The following AFG2A variants were observed in gnomAD, a reference collection of about 807,000 sequenced individuals.
The protein encoded by AFG2A is AAA ATPase AFG2A.
At chr4:122,961,416 T>C in the AFG2A span, among the ~76,000 whole-genome samples, 4 of 152,246 alleles carry the variant, frequency 2.6e-5, no homozygotes, top group African/African-American at 9.6e-5. Flanking sequence ...AGTAGTGATT[T>C]TCACTGAATC....
chr4:123,209,536 G>A, the AFG2A span, among the ~76,000 whole-genome samples: 12 of 150,992 alleles, frequency 7.9e-5, no homozygotes, highest in East Asian at 2.0e-4. Flanking sequence ...TATGAACTGC[G>A]TAGCCCTGGA....
the AFG2A span, among the ~76,000 whole-genome samples, chr4:123,055,167 A>C: frequency 6.6e-6 from 1 of 152,160 alleles, no homozygotes; most frequent in Non-Finnish European, 1.5e-5. Flanking sequence ...CATTGTATGT[A>C]ATTTAAAAGT....
At chr4:123,079,249 T>A in the AFG2A span, among the ~76,000 whole-genome samples, 2 of 152,228 alleles carry the variant, frequency 1.3e-5, no homozygotes, top group Non-Finnish European at 2.9e-5. Flanking sequence ...GCCACAATGA[T>A]CTTTGCCTAA....
the AFG2A span, among the ~76,000 whole-genome samples, chr4:123,165,152 G>A: frequency 6.6e-6 from 1 of 152,040 alleles, no homozygotes; most frequent in African/African-American, 2.4e-5. Flanking sequence ...CCCTTTATAT[G>A]AAATGTCCAG....
chr4:122,990,696 C>T, the AFG2A span, among the ~76,000 whole-genome samples: 3 of 152,276 alleles, frequency 2.0e-5, no homozygotes, highest in Non-Finnish European at 4.4e-5. Flanking sequence ...TCAAACGATC[C>T]TCCTGACTCA....
chr4:123,099,271 G>A, the AFG2A span, among the ~76,000 whole-genome samples: 3 of 151,824 alleles, frequency 2.0e-5, no homozygotes, highest in Non-Finnish European at 1.5e-5. Flanking sequence ...ATCAGGTTTG[G>A]TTTACAAACA....
the AFG2A span, among the ~76,000 whole-genome samples, chr4:123,084,590 A>ATATGTGTGTG: frequency 1.4e-5 from 2 of 143,226 alleles, no homozygotes; most frequent in East Asian, 4.0e-4. Context: ...GTATATATAT[A>ATATGTGTGTG]TGTGTGTGTG....
chr4:123,003,926 G>T, the AFG2A span, among the ~76,000 whole-genome samples: 1 of 152,216 alleles, frequency 6.6e-6, no homozygotes, highest in Non-Finnish European at 1.5e-5. Flanking sequence ...GCCTACAGAG[G>T]CAGGCAGGCC....
chr4:122,943,946 G>T, the AFG2A span, among the ~76,000 whole-genome samples: 1 of 151,930 alleles, frequency 6.6e-6, no homozygotes. Flanking sequence ...TTTTCTTTAA[G>T]AATGTTGAAT....
the AFG2A span, among the ~76,000 whole-genome samples, chr4:122,990,507 C>T: frequency 8.6e-5 from 13 of 151,570 alleles, no homozygotes; most frequent in East Asian, 2.5e-3. Context: ...AAAAATAAAA[C>T]AAAAAACAAA....
chr4:123,189,816 T>TCTTTC, the AFG2A span, among the ~76,000 whole-genome samples: 1 of 133,890 alleles, frequency 7.5e-6, no homozygotes, highest in Non-Finnish European at 1.6e-5. Flanking sequence ...TTGCTTTTTT[T>TCTTTC]TTTTTTTTTT....
At chr4:122,961,160 A>G in the AFG2A span, among the ~76,000 whole-genome samples, 9 of 152,222 alleles carry the variant, frequency 5.9e-5, no homozygotes, top group Non-Finnish European at 1.0e-4. Context: ...GTTTAGTAAT[A>G]TAGCCTGGCA....
the AFG2A span, among the ~76,000 whole-genome samples, chr4:123,118,449 G>A: frequency 6.8e-6 from 1 of 146,512 alleles, no homozygotes; most frequent in Non-Finnish European, 1.5e-5. Context: ...TTTTGATTTA[G>A]CTCTGTTTCT....
the AFG2A span, among the ~76,000 whole-genome samples, chr4:123,248,947 T>G: frequency 1.3e-5 from 2 of 152,186 alleles, no homozygotes; most frequent in Non-Finnish European, 2.9e-5. Context: ...TAATACTTAC[T>G]GAAGCATACA....
chr4:123,201,873 G>A, the AFG2A span, among the ~76,000 whole-genome samples: 2 of 152,022 alleles, frequency 1.3e-5, no homozygotes, highest in South Asian at 2.1e-4. Context: ...AGTGGGCTGA[G>A]ATGATGCCGC....
At chr4:123,057,386 C>A in the AFG2A span, 1 of 1,291,450 alleles carries the variant, frequency 7.7e-7, no homozygotes, top group Non-Finnish European at 1.1e-6. Flanking sequence ...CAACTTTTAT[C>A]TATTAATACA....
At chr4:123,100,220 C>G in the AFG2A span, among the ~76,000 whole-genome samples, 9 of 151,738 alleles carry the variant, frequency 5.9e-5, no homozygotes, top group Non-Finnish European at 1.2e-4. Flanking sequence ...ACGAAATAGA[C>G]CATTTCATTT....
the AFG2A span, among the ~76,000 whole-genome samples, chr4:122,924,231 C>G: frequency 1.3e-5 from 2 of 152,200 alleles, no homozygotes; most frequent in Non-Finnish European, 2.9e-5. Context: ...CATTTCTCTT[C>G]CATCTTAAAT....
chr4:123,004,967 G>C, the AFG2A span, among the ~76,000 whole-genome samples: 2 of 151,906 alleles, frequency 1.3e-5, no homozygotes, highest in Admixed American at 1.3e-4. Context: ...CAAGAATTCT[G>C]TTTCACCTAA....
Sources: allele counts gnomAD v4.1 joint callset (sites outside exome capture counted in the v4.1 genomes callset), GRCh38; gene constraint gnomAD v4.1.1; transcripts MANE v1.5; gene names NCBI Gene and HGNC (gene_info 2026-07-23, HGNC 2026-07-21).